RYR2: variants seen among roughly 807,000 people sequenced by gnomAD.
The protein encoded by RYR2 is cardiac muscle ryanodine receptor-calcium release channel.
A neutral mutation model predicts 601.1 loss-of-function variants in RYR2; 227 were observed. The ratio of observed to expected loss-of-function variants is 0.38; its 90% CI spans 0.34 to 0.42. The LOEUF (loss-of-function observed/expected upper bound fraction) is 0.42, where lower values mean the gene tolerates loss of function less well. RYR2 is among the 10% of genes least tolerant of loss of function. The pLI is 1.00. For synonymous variants in RYR2, 2,223 were observed against 2,175.1 expected (o/e 1.02, Z -0.61); for missense variants, 4,646 against 6,156.5 (o/e 0.75, Z 8.21).
At chr1:237,750,074 A>G (rs929771088) in intron 80 of RYR2, among the ~76,000 whole-genome samples, 10 of 152,198 alleles carry the variant, frequency 6.6e-5, no homozygotes, top group African/African-American at 2.4e-4. Context: ...TGAACCCAGG[A>G]GGCGGAGGTT....
At chr1:237,809,103 G>C in intron 100 of RYR2, 68 bp downstream of exon 100, 2 of 1,367,190 alleles carry the variant, frequency 1.5e-6, no homozygotes, top group Admixed American at 1.8e-5. Context: ...AAGTAATTGT[G>C]TATTTATTCT....
intron 1 of RYR2, among the ~76,000 whole-genome samples, chr1:237,066,641 CTTT>C (rs71178383): frequency 1.4e-5 from 2 of 147,078 alleles, no homozygotes; most frequent in African/African-American, 2.5e-5. Flanking sequence ...CCGTGTCTTT[CTTT>C]TTTTTTTTTT....
chr1:237,094,457 T>A lies in RYR2; in HGVS notation c.48+51888T>A, dbSNP rs183788406. Among the ~76,000 whole-genome samples, 13 of 152,332 alleles carry A rather than the reference T, an allele frequency of 8.5e-5. No homozygotes were observed. In the East Asian group the frequency reaches 2.5e-3, roughly 29 times the overall value. ...GGACGGGCAGGGAGGATACTGTTTCTCCATGCAATCTTTGAATGCGAACAT... is the reference window on the plus strand; with the variant it reads ...GGACGGGCAGGGAGGATACTGTTTCACCATGCAATCTTTGAATGCGAACAT... On this transcript the variant is annotated intron_variant, in intron 1 of 104. Coordinates refer to ENST00000366574, the MANE Select transcript of RYR2 (RefSeq NM_001035.3).
At chr1:237,801,396 G>A (rs1204901391) in intron 97 of RYR2, among the ~76,000 whole-genome samples, 2 of 144,608 alleles carry the variant, frequency 1.4e-5, no homozygotes, top group African/African-American at 2.6e-5. Flanking sequence ...AAAAAAATTC[G>A]CTGGGAGCGG....
At chr1:237,725,533 T>A (rs1262309702) in intron 74 of RYR2, among the ~76,000 whole-genome samples, 1 of 152,136 alleles carries the variant, frequency 6.6e-6, no homozygotes, top group Non-Finnish European at 1.5e-5. Context: ...GTAAGTTTTC[T>A]TATGAGAGTA....
chr1:237,309,995 C>G (rs906989643), intron 2 of RYR2, among the ~76,000 whole-genome samples: 1 of 152,200 alleles, frequency 6.6e-6, no homozygotes, highest in Non-Finnish European at 1.5e-5. Flanking sequence ...ACACCTCTCC[C>G]TCCACACCTC....
intron 10 of RYR2, among the ~76,000 whole-genome samples, chr1:237,393,989 T>C (rs919365048): frequency 6.6e-6 from 1 of 152,206 alleles, no homozygotes; most frequent in Non-Finnish European, 1.5e-5. Flanking sequence ...ATGAGACATT[T>C]GATGCATTTA....
chr1:237,552,980 A>T (rs1670553914), intron 27 of RYR2, among the ~76,000 whole-genome samples: 1 of 152,036 alleles, frequency 6.6e-6, no homozygotes, highest in African/African-American at 2.4e-5. Flanking sequence ...TTCTAAAAGT[A>T]TATTTTGGAT....
At chr1:237,644,834 C>T (rs1409731341) in intron 48 of RYR2, among the ~76,000 whole-genome samples, 2 of 151,942 alleles carry the variant, frequency 1.3e-5, no homozygotes, top group Admixed American at 6.6e-5. Context: ...GAGTTCGAGA[C>T]CAGCCTGGAC....
intron 34 of RYR2, among the ~76,000 whole-genome samples, chr1:237,599,319 G>A (rs1035385055): frequency 1.3e-5 from 2 of 152,128 alleles, no homozygotes; most frequent in Non-Finnish European, 2.9e-5. Flanking sequence ...AATTGGAAAA[G>A]AAGTCATCAA....
chr1:237,463,670 GTC>G (rs1659732660), intron 16 of RYR2, among the ~76,000 whole-genome samples: 1 of 152,100 alleles, frequency 6.6e-6, no homozygotes, highest in African/African-American at 2.4e-5. Context: ...AAGAGACCCT[GTC>G]TCTACAAAAA....
chr1:237,279,808 C>T (rs1359650206), intron 2 of RYR2, among the ~76,000 whole-genome samples: 17 of 152,196 alleles, frequency 1.1e-4, no homozygotes, highest in Non-Finnish European at 2.4e-4. Flanking sequence ...CTCACTGCTT[C>T]AAGCATAGTT....
intron 38 of RYR2, among the ~76,000 whole-genome samples, chr1:237,618,701 A>G (rs1678756845): frequency 6.6e-6 from 1 of 152,070 alleles, no homozygotes; most frequent in Admixed American, 6.6e-5. Context: ...CACAGAAAAA[A>G]CTGTTCCCCA....
At chr1:237,282,676 G>T (rs1318319444) in intron 2 of RYR2, among the ~76,000 whole-genome samples, 1 of 152,168 alleles carries the variant, frequency 6.6e-6, no homozygotes, top group Non-Finnish European at 1.5e-5. Context: ...AAAGTATAGG[G>T]ATGGCATTTG....
Position 237,455,457 on chromosome 1 carries a change from C to T in RYR2, c.1476+883C>T, listed in dbSNP as rs1012333456. ...GAGGAGGGCAAGGGTCGAGAAACTA[C>T]CTATCAGGTATTCTGCTCACTATCT... On this transcript the variant is annotated intron_variant, in intron 15 of 104. Coordinates refer to ENST00000366574, the MANE Select transcript of RYR2 (RefSeq NM_001035.3). Among the ~76,000 whole-genome samples the T allele has an allele frequency of 9.9e-5, 15 of 152,050 alleles. 1 individual carries two copies. Among genetic ancestry groups the T allele is most frequent in the African/African-American group, 3.6e-4 (15 of 41,400 alleles).
chr1:237,603,159 C>A (rs991418994), intron 35 of RYR2, among the ~76,000 whole-genome samples: 1 of 152,114 alleles, frequency 6.6e-6, no homozygotes, highest in Non-Finnish European at 1.5e-5. Context: ...TAATTAGTGA[C>A]GTTCATGAAT....
At position 237,316,350 on chromosome 1, in the gene RYR2, C is replaced by T. The variant is rs191651834; in HGVS notation, c.169-14528C>T. ...CATTTGCAGTAGTTTCTTAAATTGT[C>T]ATTCTACATCTGTTATTGTTACGAT... On this transcript the variant is annotated intron_variant, in intron 2 of 104. Transcript: ENST00000366574. Among the ~76,000 whole-genome samples, 195 of 152,254 alleles carry T rather than the reference C, an allele frequency of 1.3e-3. 1 individual carries two copies. The highest frequency in any genetic ancestry group is 3.7e-3 in the African/African-American group (152 of 41,574).
At chr1:237,134,184 A>T (rs1040005471) in intron 1 of RYR2, among the ~76,000 whole-genome samples, 1 of 152,178 alleles carries the variant, frequency 6.6e-6, no homozygotes, top group African/African-American at 2.4e-5. Flanking sequence ...CACAGAATCC[A>T]CACTGGTAAG....
intron 3 of RYR2, among the ~76,000 whole-genome samples, chr1:237,344,015 G>A (rs548264615): frequency 1.3e-5 from 2 of 151,882 alleles, no homozygotes; most frequent in East Asian, 1.9e-4. Flanking sequence ...TACAGATGGG[G>A]TTTCTCCATG....
Sources: allele counts gnomAD v4.1 joint callset (sites outside exome capture counted in the v4.1 genomes callset), GRCh38; gene constraint gnomAD v4.1.1; transcripts MANE v1.5; gene names NCBI Gene and HGNC (gene_info 2026-07-23, HGNC 2026-07-21).